The following CDK14 variants were observed in gnomAD, a reference collection of about 807,000 sequenced individuals.
CDK14 encodes the protein cyclin-dependent kinase 14.
A neutral mutation model predicts 60.7 loss-of-function variants in CDK14; 34 were observed. The ratio of observed to expected loss-of-function variants is 0.56; its 90% CI spans 0.43 to 0.75. The LOEUF (loss-of-function observed/expected upper bound fraction) is 0.75, where lower values mean the gene tolerates loss of function less well. Ranked by LOEUF, CDK14 falls within the 30% of genes least tolerant of loss-of-function variation. CDK14 has a pLI of 0.00. For missense variants in CDK14, 482 were observed against 564.1 expected (o/e 0.85, Z 1.47); for synonymous variants, 197 against 203.7 (o/e 0.97, Z 0.28).
At chr7:91,180,266 C>A (rs966764505) in intron 14 of CDK14, among the ~76,000 whole-genome samples, 1 of 152,170 alleles carries the variant, frequency 6.6e-6, no homozygotes, top group East Asian at 1.9e-4. Flanking sequence ...AAATTCACAT[C>A]CCTTCTGCCT....
intron 9 of CDK14, among the ~76,000 whole-genome samples, chr7:90,959,831 A>G (rs1170389124): frequency 2.0e-5 from 3 of 152,166 alleles, no homozygotes; most frequent in African/African-American, 2.4e-5. Flanking sequence ...ATCAAGATAG[A>G]TAGTTTTTGA....
At chr7:90,847,745 G>GACC (rs1790512989) in intron 5 of CDK14, among the ~76,000 whole-genome samples, 1 of 152,044 alleles carries the variant, frequency 6.6e-6, no homozygotes. Context: ...GACAGTTTAG[G>GACC]TTATTTCTAA....
At chr7:90,967,492 C>T (rs1281212958) in intron 9 of CDK14, among the ~76,000 whole-genome samples, 5 of 152,038 alleles carry the variant, frequency 3.3e-5, no homozygotes, top group Non-Finnish European at 1.5e-5. Context: ...GATTAAATAG[C>T]GTAGTAATGC....
chr7:91,102,730 GAA>G (rs532462955), intron 12 of CDK14, among the ~76,000 whole-genome samples: 1 of 137,668 alleles, frequency 7.3e-6, no homozygotes. Context: ...AACCAAATCA[GAA>G]AAAAAAAAAA....
chr7:90,959,201 A>G (rs762803659), intron 9 of CDK14, among the ~76,000 whole-genome samples: 7 of 152,156 alleles, frequency 4.6e-5, no homozygotes, highest in South Asian at 2.1e-4. Context: ...CCTTTTGTCT[A>G]CGTGCCAAGA....
chr7:90,934,852 A>G (rs569714420), intron 8 of CDK14, among the ~76,000 whole-genome samples: 16 of 152,336 alleles, frequency 1.1e-4, no homozygotes, highest in Admixed American at 2.6e-4. Flanking sequence ...TGCTTGGCTC[A>G]TGAAAAATTG....
chr7:90,917,560 A>G (rs752577694), intron 7 of CDK14, 41 bp from the exon 8 acceptor site: 1 of 1,602,506 alleles, frequency 6.2e-7, no homozygotes, highest in Non-Finnish European at 8.5e-7. Context: ...ACTGGCATTT[A>G]TCTGTGTTCT....
chr7:91,182,163 T>C (rs1423764878), intron 14 of CDK14, among the ~76,000 whole-genome samples: 2 of 152,124 alleles, frequency 1.3e-5, no homozygotes, highest in East Asian at 3.8e-4. Context: ...GCACACACAC[T>C]AGCCTCAGAA....
chr7:90,737,997 A>G (rs907562456), intron 3 of CDK14, among the ~76,000 whole-genome samples: 1 of 152,216 alleles, frequency 6.6e-6, no homozygotes, highest in African/African-American at 2.4e-5. Flanking sequence ...AAGTATACTC[A>G]TGAAGTTTAT....
At chr7:90,637,585 G>T (rs1392419697) in intron 2 of CDK14, among the ~76,000 whole-genome samples, 1 of 151,980 alleles carries the variant, frequency 6.6e-6, no homozygotes, top group African/African-American at 2.4e-5. Context: ...TAGGTGTGGT[G>T]TGGTGCTGCA....
intron 2 of CDK14, among the ~76,000 whole-genome samples, chr7:90,630,655 CT>C (rs1367436041): frequency 6.6e-6 from 1 of 152,138 alleles, no homozygotes; most frequent in East Asian, 1.9e-4. Context: ...ATGTATATAA[CT>C]GCACTAATAC....
chr7:90,620,351 C>T (rs946206976), intron 2 of CDK14, among the ~76,000 whole-genome samples: 1 of 152,142 alleles, frequency 6.6e-6, no homozygotes, highest in South Asian at 2.1e-4. Context: ...TTGGCACTGG[C>T]ATGTCAGGGG....
intron 12 of CDK14, among the ~76,000 whole-genome samples, chr7:91,108,528 A>G (rs1259084953): frequency 6.6e-6 from 1 of 152,206 alleles, no homozygotes; most frequent in Non-Finnish European, 1.5e-5. Context: ...TTAAAACCTA[A>G]GAACTGTGAA....
intron 2 of CDK14, among the ~76,000 whole-genome samples, chr7:90,656,743 TC>T (rs1800758832): frequency 6.6e-6 from 1 of 152,182 alleles, no homozygotes; most frequent in African/African-American, 2.4e-5. Context: ...ATGGAAGCAT[TC>T]CAGTCTGCAT....
chr7:91,102,856 C>A (rs1294415794), intron 12 of CDK14, among the ~76,000 whole-genome samples: 6 of 152,144 alleles, frequency 3.9e-5, no homozygotes, highest in African/African-American at 1.4e-4. Flanking sequence ...ATTTTTATTT[C>A]TCAGGTAATG....
chr7:91,132,132 A>G (rs1483437452), intron 14 of CDK14, among the ~76,000 whole-genome samples: 1 of 152,146 alleles, frequency 6.6e-6, no homozygotes, highest in Non-Finnish European at 1.5e-5. Flanking sequence ...AAATTTCAGG[A>G]TGATGACGGG....
chr7:90,700,537 C>A (rs765423425), intron 2 of CDK14, among the ~76,000 whole-genome samples: 1 of 152,136 alleles, frequency 6.6e-6, no homozygotes, highest in Non-Finnish European at 1.5e-5. Flanking sequence ...TTACAGAAAT[C>A]ATTCGAATCT....
intron 5 of CDK14, among the ~76,000 whole-genome samples, chr7:90,841,645 C>CATAT (rs962256749): frequency 4.5e-5 from 4 of 89,122 alleles, no homozygotes; most frequent in Non-Finnish European, 9.0e-5. Flanking sequence ...ATATTTTCAT[C>CATAT]ATATATATAT....
intron 1 of CDK14, among the ~76,000 whole-genome samples, chr7:90,601,848 G>T (rs1170947065): frequency 6.6e-6 from 1 of 151,170 alleles, no homozygotes; most frequent in African/African-American, 2.5e-5. Flanking sequence ...TGCCTCCCAG[G>T]CTCAAGTGAT....
Sources: allele counts gnomAD v4.1 joint callset (sites outside exome capture counted in the v4.1 genomes callset), GRCh38; gene constraint gnomAD v4.1.1; transcripts MANE v1.5; gene names NCBI Gene and HGNC (gene_info 2026-07-23, HGNC 2026-07-21).